Variants in RNLS observed in about 807,000 individuals in gnomAD.
RNLS encodes the protein renalase, FAD dependent amine oxidase.
A neutral mutation model predicts 39.8 loss-of-function variants in RNLS; 39 were observed. The observed-to-expected ratio is 0.98, with a 90% CI of 0.76 to 1.28. The LOEUF is 1.28. RNLS is among the 50% of genes most tolerant of loss of function. RNLS has a pLI of 0.00. For missense variants in RNLS, 410 were observed against 413.3 expected (o/e 0.99, Z 0.07); for synonymous variants, 147 against 150.7 (o/e 0.98, Z 0.18).
intron 4 of RNLS, 58 bp downstream of exon 4, chr10:88,572,845 T>C (rs1332467241): frequency 1.3e-6 from 2 of 1,572,632 alleles, no homozygotes; most frequent in Non-Finnish European, 1.7e-6. Flanking sequence ...ACCAAATTCA[T>C]GCTTTGTCAA....
At chr10:88,484,808 G>T (rs1844395096) in intron 4 of RNLS, among the ~76,000 whole-genome samples, 1 of 151,848 alleles carries the variant, frequency 6.6e-6, no homozygotes, top group Non-Finnish European at 1.5e-5. Flanking sequence ...AAGTTGGACT[G>T]CCAGACAGAG....
intron 4 of RNLS, among the ~76,000 whole-genome samples, chr10:88,401,190 A>G (rs1055968716): frequency 1.3e-5 from 2 of 152,034 alleles, no homozygotes; most frequent in Non-Finnish European, 2.9e-5. Context: ...ATTCTGAGAA[A>G]AATCAATTGA....
intron 5 of RNLS, among the ~76,000 whole-genome samples, chr10:88,361,578 C>T (rs945013468): frequency 6.6e-6 from 1 of 152,174 alleles, no homozygotes; most frequent in African/African-American, 2.4e-5. Context: ...ATCATGTTAA[C>T]ATAAACAGTC....
intron 4 of RNLS, among the ~76,000 whole-genome samples, chr10:88,423,907 A>G (rs1358147272): frequency 1.3e-5 from 2 of 152,174 alleles, no homozygotes; most frequent in African/African-American, 2.4e-5. Context: ...TGCAGTGTTG[A>G]AGAGCTCTTG....
chr10:88,232,309 T>G, the RNLS span, among the ~76,000 whole-genome samples: 2 of 152,126 alleles, frequency 1.3e-5, no homozygotes, highest in African/African-American at 4.8e-5. Flanking sequence ...ACCAGAACAA[T>G]GACCAGAAGA....
chr10:88,234,085 A>C, the RNLS span, among the ~76,000 whole-genome samples: 1 of 149,076 alleles, frequency 6.7e-6, no homozygotes. Flanking sequence ...CCCCTGCAGC[A>C]GAGGCCCCTC....
At chr10:88,256,626 G>T in the RNLS span, among the ~76,000 whole-genome samples, 2 of 152,326 alleles carry the variant, frequency 1.3e-5, no homozygotes, top group East Asian at 3.9e-4. Flanking sequence ...AGATAAACAT[G>T]GAGGCTGTAT....
In RNLS at chr10:88,565,306, T is replaced by G. The variant is rs565911366; in HGVS notation, c.526+7597A>C. On this transcript the variant is annotated intron_variant, in intron 4 of 6. Coordinates refer to ENST00000331772, the MANE Select transcript of RNLS (RefSeq NM_001031709.3). ...GGCAATATATGGCTTTGTAAGTGGA[T>G]GTCTTTTTCACAGAAGCCTAAGACG... 5.9e-4 allele frequency among the ~76,000 whole-genome samples: 90 copies of G among 152,066 alleles called. 1 individual carries two copies. The highest frequency in any genetic ancestry group is 2.1e-3 in the African/African-American group (88 of 41,468).
intron 5 of RNLS, among the ~76,000 whole-genome samples, chr10:88,317,235 T>A (rs1242482670): frequency 2.0e-5 from 3 of 152,240 alleles, no homozygotes; most frequent in Admixed American, 2.0e-4. Flanking sequence ...TTAATAGCCC[T>A]GTAATCTTGG....
intron 4 of RNLS, among the ~76,000 whole-genome samples, chr10:88,491,865 T>A (rs1045368607): frequency 6.6e-6 from 1 of 151,810 alleles, no homozygotes; most frequent in Admixed American, 6.6e-5. Flanking sequence ...ACCATTAAGA[T>A]GAAGTGTAAA....
intron 4 of RNLS, among the ~76,000 whole-genome samples, chr10:88,516,936 G>T (rs1022999432): frequency 2.6e-5 from 4 of 151,836 alleles, no homozygotes; most frequent in African/African-American, 9.7e-5. Context: ...AATTCAATAT[G>T]TCTATGACAA....
intron 4 of RNLS, among the ~76,000 whole-genome samples, chr10:88,518,667 G>C (rs1846536916): frequency 6.6e-6 from 1 of 151,912 alleles, no homozygotes; most frequent in African/African-American, 2.4e-5. Flanking sequence ...GGATGCTTAA[G>C]CACTTGTTTT....
the RNLS span, among the ~76,000 whole-genome samples, chr10:88,241,777 T>C: frequency 6.6e-6 from 1 of 152,234 alleles, no homozygotes; most frequent in African/African-American, 2.4e-5. Flanking sequence ...CCTCCGGCAA[T>C]ATCAGATTCC....
the RNLS span, among the ~76,000 whole-genome samples, chr10:88,182,455 T>C: frequency 6.6e-6 from 1 of 152,128 alleles, no homozygotes; most frequent in African/African-American, 2.4e-5. Flanking sequence ...GGGTCAGACT[T>C]TAGGATAACT....
chr10:88,424,369 A>C (rs1854585547), intron 4 of RNLS, among the ~76,000 whole-genome samples: 4 of 152,214 alleles, frequency 2.6e-5, no homozygotes. Flanking sequence ...TGGATAAAGG[A>C]AATAATCCAG....
intron 4 of RNLS, among the ~76,000 whole-genome samples, chr10:88,513,667 C>A (rs999679391): frequency 6.6e-6 from 1 of 152,040 alleles, no homozygotes; most frequent in Admixed American, 6.6e-5. Context: ...ACAATTAGTA[C>A]TGTAATGAAA....
At chr10:88,448,375 T>C (rs1176318770) in intron 4 of RNLS, among the ~76,000 whole-genome samples, 2 of 152,182 alleles carry the variant, frequency 1.3e-5, no homozygotes, top group African/African-American at 4.8e-5. Flanking sequence ...AAGACATTTA[T>C]GCAGCCAACA....
chr10:88,334,479 A>T (rs1166615837), intron 5 of RNLS, among the ~76,000 whole-genome samples: 1 of 152,210 alleles, frequency 6.6e-6, no homozygotes, highest in Non-Finnish European at 1.5e-5. Context: ...TGCTATTTGA[A>T]AAACCAACCT....
intron 4 of RNLS, among the ~76,000 whole-genome samples, chr10:88,393,647 C>A (rs914958075): frequency 1.6e-4 from 25 of 152,194 alleles, no homozygotes; most frequent in African/African-American, 5.5e-4. Context: ...AATGCCATCC[C>A]CATCAAGCTA....
Sources: gnomAD v4.1 joint callset for allele counts (sites outside exome capture counted in the v4.1 genomes callset) on GRCh38, gnomAD v4.1.1 for gene constraint, MANE v1.5 for transcripts, NCBI Gene and HGNC (gene_info 2026-07-23, HGNC 2026-07-21) for gene names.